Variants in USP43 observed in about 807,000 individuals in gnomAD.
USP43 encodes the protein ubiquitin specific peptidase 43, also known as ubiquitin carboxyl-terminal hydrolase 43.
In USP43, 33 loss-of-function variants were observed where a neutral mutation model predicts 90.7. That is an observed-to-expected ratio of 0.36 (90% CI 0.28 to 0.49). The LOEUF (loss-of-function observed/expected upper bound fraction) is 0.49, where lower values mean the gene tolerates loss of function less well. Among genes scored for constraint, USP43 ranks in the 20% least tolerant of loss-of-function variants. The pLI is 0.98. For synonymous variants in USP43, 598 were observed against 615.8 expected (o/e 0.97, Z 0.43); for missense variants, 1,274 against 1,476.4 (o/e 0.86, Z 2.25).
intron 1 of USP43, among the ~76,000 whole-genome samples, chr17:9,654,888 C>G (rs945669997): frequency 1.2e-4 from 18 of 151,532 alleles, no homozygotes; most frequent in African/African-American, 4.4e-4. Flanking sequence ...CAGATGTGCA[C>G]CACCACGCCC....
intron 4 of USP43, 55 bp from the exon 5 acceptor site, chr17:9,676,691 G>A: frequency 6.4e-7 from 1 of 1,569,398 alleles, no homozygotes; most frequent in South Asian, 1.2e-5. Context: ...TATCAACAAT[G>A]TCATTCACAG....
intron 2 of USP43, among the ~76,000 whole-genome samples, chr17:9,665,643 T>C (rs1312787040): frequency 6.6e-6 from 1 of 152,182 alleles, no homozygotes; most frequent in East Asian, 1.9e-4. Flanking sequence ...AGCCAAATTA[T>C]ATCATTACCT....
At chr17:9,682,044 T>A (rs1332051752) in intron 6 of USP43, among the ~76,000 whole-genome samples, 2 of 152,164 alleles carry the variant, frequency 1.3e-5, no homozygotes, top group African/African-American at 4.8e-5. Flanking sequence ...CATCTTTTCC[T>A]TGAAAGTCAA....
chr17:9,728,874 G>A lies in USP43; in HGVS notation c.3256G>A (p.Gly1086Ser). ...CAGGGCCCCGAGAGGCAGTGCACTG[G>A]GCATGTCACAAAGGACTGTTCCAGG... ...ASRAPRGSAL[G>S]MSQRTVPGEQ... is the part of the protein sequence containing the mutation. The change falls in exon 15 of 15, where the codon GGC (glycine) becomes AGC (serine). Residue 1086 changes from glycine (G) to serine (S), a missense_variant. By Grantham distance (56) the Gly-to-Ser change is moderately conservative. This residue lies in a region of USP43 where 353 missense variants were observed against 329.7 expected (regional missense o/e 1.07). Coordinates refer to ENST00000285199, the MANE Select transcript of USP43 (RefSeq NM_153210.5). The surrounding 1 kb of genome is among the most constrained non-coding windows in gnomAD (Gnocchi z 6.2). 1.2e-6 allele frequency: 2 copies of A among 1,613,940 alleles called. No homozygotes were observed. Among genetic ancestry groups the A allele is most frequent in the Middle Eastern group, 1.6e-4 (1 of 6,062 alleles).
At chr17:9,661,578 A>G (rs1912640969) in intron 2 of USP43, among the ~76,000 whole-genome samples, 1 of 152,012 alleles carries the variant, frequency 6.6e-6, no homozygotes, top group South Asian at 2.1e-4. Context: ...GGCTGGTTTC[A>G]AACTCCTGGA....
At chr17:9,646,201 C>A (rs1911386541) in intron 1 of USP43, 65 bp downstream of exon 1, 2 of 1,366,800 alleles carry the variant, frequency 1.5e-6, no homozygotes, top group Admixed American at 3.9e-5. Flanking sequence ...AGTGTGTGCA[C>A]GATCAGGAAA....
chr17:9,718,638 T>G (rs112414486), intron 14 of USP43, among the ~76,000 whole-genome samples: 3 of 150,786 alleles, frequency 2.0e-5, no homozygotes, highest in Non-Finnish European at 3.0e-5. Context: ...GTCAGGAGTT[T>G]GAGACCAGCC....
In USP43 at chr17:9,674,514, C is replaced by T. The variant is rs188543109; in HGVS notation, c.741-377C>T. Among the ~76,000 whole-genome samples, 53 of 152,282 alleles carry T rather than the reference C, an allele frequency of 3.5e-4. No homozygotes were observed. The Middle Eastern group carries it at 0.017, about 49-fold the overall frequency. On this transcript the variant is annotated intron_variant, in intron 3 of 14. Transcript: ENST00000285199. This position sits in a 1 kb window ranked among gnomAD's most constrained non-coding sequence, Gnocchi z 4.4. ...TCTGGATACTTCATATAAACGGGATCGTACAATATGTGGGCTTTCATGTCT... is the reference window on the plus strand; with the variant it reads ...TCTGGATACTTCATATAAACGGGATTGTACAATATGTGGGCTTTCATGTCT...
At chr17:9,658,775 T>C (rs1912438662) in intron 2 of USP43, among the ~76,000 whole-genome samples, 1 of 152,180 alleles carries the variant, frequency 6.6e-6, no homozygotes, top group Admixed American at 6.5e-5. Flanking sequence ...TCAAACCAGC[T>C]TCAGGTAGGG....
chr17:9,729,457 C>T lies in USP43; in HGVS notation c.*467C>T, dbSNP rs1351097355. On this transcript the variant is annotated 3_prime_UTR_variant, in exon 15 of 15. Coordinates refer to ENST00000285199, the MANE Select transcript of USP43 (RefSeq NM_153210.5). Reference sequence around the variant, plus strand: ...TTTCTGGGATAAGCATTAAAGATGCCAAAAAGAAAAAAAAAACAAAAGAAT... The same window carrying T: ...TTTCTGGGATAAGCATTAAAGATGCTAAAAAGAAAAAAAAAACAAAAGAAT... 1 of 134,322 alleles carries T rather than the reference C, an allele frequency of 7.4e-6. No homozygotes were observed. Among genetic ancestry groups the T allele is most frequent in the African/African-American group, 2.8e-5 (1 of 35,974 alleles). The allele number at this position is 134,322 out of a possible 1,614,324, so 8.3% of individuals were successfully genotyped here.
chr17:9,679,796 C>T (rs1022064968), intron 5 of USP43, among the ~76,000 whole-genome samples: 5 of 152,076 alleles, frequency 3.3e-5, no homozygotes, highest in African/African-American at 1.2e-4. Flanking sequence ...TCAGGGCCCC[C>T]ACAGTAGTCA....
At chr17:9,671,361 G>A (rs77474065) in intron 3 of USP43, among the ~76,000 whole-genome samples, 66 of 152,198 alleles carry the variant, frequency 4.3e-4, no homozygotes, top group African/African-American at 1.5e-3. Flanking sequence ...TGTTTTTGAA[G>A]GCTTCCTCAG....
At chr17:9,714,395 A>G (rs1450788127) in intron 14 of USP43, among the ~76,000 whole-genome samples, 6 of 152,130 alleles carry the variant, frequency 3.9e-5, no homozygotes, top group Non-Finnish European at 7.4e-5. Context: ...ATGAAAAAGA[A>G]TGAAGGCCGG....
At position 9,686,755 on chromosome 17, in the gene USP43, G is replaced by GT; in HGVS notation, c.1242-38dup. The GT allele has an allele frequency of 6.3e-7, 1 of 1,582,822 alleles. No individual in the cohort carries two copies. The highest frequency in any genetic ancestry group is 1.3e-5 in the African/African-American group (1 of 74,418). On this transcript the variant is annotated intron_variant, in intron 7 of 14. Transcript: ENST00000285199. This position sits in a 1 kb window ranked among gnomAD's most constrained non-coding sequence, Gnocchi z 5.5. ...CACTCATGACTGGTGGATGTTGCTG[G>GT]TTTTTCCTTTGCTGGGATAACCCGA... is the stretch of plus-strand genomic sequence containing the variant.
chr17:9,663,300 CTT>C (rs67593846), intron 2 of USP43, among the ~76,000 whole-genome samples: 21,955 of 141,152 alleles, frequency 0.16, 1,697 homozygotes, highest in East Asian at 0.31. Flanking sequence ...TTTGGATGTT[CTT>C]TTTTTTTTTT....
chr17:9,699,494 C>A (rs865962775), intron 9 of USP43, among the ~76,000 whole-genome samples: 2 of 152,224 alleles, frequency 1.3e-5, no homozygotes, highest in Non-Finnish European at 2.9e-5. Flanking sequence ...TGACATCCCC[C>A]CTTTTCTTGC....
chr17:9,651,741 G>A (rs1479938126), intron 1 of USP43, among the ~76,000 whole-genome samples: 6 of 152,110 alleles, frequency 3.9e-5, no homozygotes, highest in Non-Finnish European at 7.4e-5. Flanking sequence ...TGGAGACTTG[G>A]CTTTTTAAAA....
chr17:9,726,280 A>C (rs1917267508), intron 14 of USP43, among the ~76,000 whole-genome samples: 1 of 151,810 alleles, frequency 6.6e-6, no homozygotes, highest in South Asian at 2.1e-4. Flanking sequence ...GCACCTGACA[A>C]TCTCTGGCCC....
At chr17:9,668,833 T>C (rs1285911438) in intron 3 of USP43, among the ~76,000 whole-genome samples, 2 of 151,362 alleles carry the variant, frequency 1.3e-5, no homozygotes, top group Non-Finnish European at 2.9e-5. Context: ...GTAGGGCATC[T>C]GTCTTATTTA....
Sources: gnomAD v4.1 joint callset for allele counts (sites outside exome capture counted in the v4.1 genomes callset) on GRCh38, gnomAD v4.1.1 for gene constraint, gnomAD v4.1.1 regional missense constraint, Gnocchi (gnomAD v3.1) non-coding constraint, MANE v1.5 for transcripts, NCBI Gene and HGNC (gene_info 2026-07-23, HGNC 2026-07-21) for gene names.